Variants in PLCB4 observed in about 807,000 individuals in gnomAD.
PLCB4 encodes the protein 1-phosphatidylinositol 4,5-bisphosphate phosphodiesterase beta-4.
A neutral mutation model predicts 178.8 loss-of-function variants in PLCB4; 77 were observed. The observed-to-expected ratio is 0.43, with a 90% CI of 0.36 to 0.52. The LOEUF (loss-of-function observed/expected upper bound fraction) is 0.52, where lower values mean the gene tolerates loss of function less well. Among genes scored for constraint, PLCB4 ranks in the 20% least tolerant of loss-of-function variants. The pLI, the probability that PLCB4 is intolerant of heterozygous loss-of-function variation, is 0.00. For synonymous variants in PLCB4, 496 were observed against 490.8 expected (o/e 1.01, Z -0.14); for missense variants, 1,024 against 1,453.4 (o/e 0.70, Z 4.80).
intron 2 of PLCB4, among the ~76,000 whole-genome samples, chr20:9,195,125 T>C (rs1334558757): frequency 2.0e-5 from 3 of 152,244 alleles, no homozygotes; most frequent in Non-Finnish European, 4.4e-5. Flanking sequence ...AGAAGTTAAA[T>C]GAAAAACTGC....
chr20:9,159,790 C>G (rs1010505631), intron 2 of PLCB4, among the ~76,000 whole-genome samples: 4 of 152,114 alleles, frequency 2.6e-5, no homozygotes, highest in African/African-American at 9.7e-5. Context: ...TGCTCAGTAT[C>G]TATTTTGAAA....
chr20:9,327,386 G>A (rs2030805522), intron 4 of PLCB4, among the ~76,000 whole-genome samples: 1 of 151,126 alleles, frequency 6.6e-6, no homozygotes, highest in African/African-American at 2.5e-5. Context: ...GTTTGAGGCT[G>A]CGGTGCTATG....
chr20:9,470,765 G>A (rs1000033742), intron 36 of PLCB4, among the ~76,000 whole-genome samples: 3 of 152,184 alleles, frequency 2.0e-5, no homozygotes, highest in African/African-American at 7.2e-5. Flanking sequence ...CAGTGATCAA[G>A]TCAGGGCATT....
At chr20:9,170,168 A>G (rs1248325961) in intron 2 of PLCB4, among the ~76,000 whole-genome samples, 1 of 152,106 alleles carries the variant, frequency 6.6e-6, no homozygotes, top group Non-Finnish European at 1.5e-5. Context: ...CTCTCCAAAG[A>G]AGGATTTACT....
At chr20:9,429,838 C>T (rs904555487) in intron 28 of PLCB4, among the ~76,000 whole-genome samples, 4 of 152,168 alleles carry the variant, frequency 2.6e-5, no homozygotes, top group Non-Finnish European at 2.9e-5. Flanking sequence ...TGCACTTTGG[C>T]AGAGAATTTT....
chr20:9,361,230 C>A (rs992342323), intron 7 of PLCB4, among the ~76,000 whole-genome samples: 1 of 152,132 alleles, frequency 6.6e-6, no homozygotes, highest in African/African-American at 2.4e-5. Context: ...ATATTCATAG[C>A]AGACATGCAA....
chr20:9,108,670 C>A, intron 2 of PLCB4, among the ~76,000 whole-genome samples: 1 of 150,140 alleles, frequency 6.7e-6, no homozygotes. Flanking sequence ...AAATATATTC[C>A]CTACCATTAA....
chr20:9,205,974 G>A (rs1221058039), intron 2 of PLCB4, among the ~76,000 whole-genome samples: 1 of 152,040 alleles, frequency 6.6e-6, no homozygotes, highest in Admixed American at 6.5e-5. Flanking sequence ...GTAGTATTTC[G>A]TGTTTCTTTT....
intron 9 of PLCB4, among the ~76,000 whole-genome samples, chr20:9,366,119 G>T (rs1460730166): frequency 6.6e-6 from 1 of 152,110 alleles, no homozygotes; most frequent in East Asian, 1.9e-4. Flanking sequence ...GCAGGGCATG[G>T]TGGCTCATAC....
chr20:9,323,931 G>C (rs144953758), intron 4 of PLCB4, among the ~76,000 whole-genome samples: 1 of 152,120 alleles, frequency 6.6e-6, no homozygotes, highest in Non-Finnish European at 1.5e-5. Context: ...TCCTCTCTCA[G>C]GTGTTTGTTC....
chr20:9,458,764 G>A (rs927725545), intron 34 of PLCB4, among the ~76,000 whole-genome samples: 2 of 152,180 alleles, frequency 1.3e-5, no homozygotes, highest in South Asian at 4.2e-4. Context: ...CTATCTCATT[G>A]GCTAAAGCAA....
chr20:9,454,743 G>C (rs1479428855), intron 33 of PLCB4, among the ~76,000 whole-genome samples: 4 of 152,176 alleles, frequency 2.6e-5, no homozygotes, highest in Non-Finnish European at 4.4e-5. Context: ...TAATTTGCTT[G>C]AGGAGTAAAT....
intron 2 of PLCB4, among the ~76,000 whole-genome samples, chr20:9,097,647 T>C (rs751659217): frequency 2.0e-5 from 3 of 152,198 alleles, no homozygotes; most frequent in Non-Finnish European, 2.9e-5. Context: ...TTCCTCATTC[T>C]TCTGCAACCT....
chr20:9,255,016 A>G (rs1485057616), intron 3 of PLCB4, among the ~76,000 whole-genome samples: 3 of 152,334 alleles, frequency 2.0e-5, no homozygotes, highest in Middle Eastern at 3.4e-3. Flanking sequence ...TAAAAGAGAT[A>G]AACCAAATAA....
chr20:9,268,806 A>G (rs1250225798), intron 3 of PLCB4, among the ~76,000 whole-genome samples: 1 of 152,134 alleles, frequency 6.6e-6, no homozygotes, highest in Admixed American at 6.6e-5. Context: ...TTTTATTTTT[A>G]TAATGCCCAG....
At chr20:9,392,239 G>T (rs1221187489) in intron 17 of PLCB4, among the ~76,000 whole-genome samples, 1 of 152,192 alleles carries the variant, frequency 6.6e-6, no homozygotes, top group Non-Finnish European at 1.5e-5. Flanking sequence ...AGCAAGGGAA[G>T]AATGAAGCAA....
chr20:9,123,001 CTT>C (rs1348979034), intron 2 of PLCB4, among the ~76,000 whole-genome samples: 2 of 152,032 alleles, frequency 1.3e-5, no homozygotes, highest in Admixed American at 1.3e-4. Flanking sequence ...AAAATGTACT[CTT>C]GAGCATATAG....
chr20:9,315,367 G>T (rs1389339780), intron 4 of PLCB4, among the ~76,000 whole-genome samples: 1 of 152,204 alleles, frequency 6.6e-6, no homozygotes, highest in African/African-American at 2.4e-5. Context: ...TGCTCTAGAA[G>T]GCTGAGATAA....
At chr20:9,404,013 T>G (rs1470736127) in intron 20 of PLCB4, among the ~76,000 whole-genome samples, 2 of 152,130 alleles carry the variant, frequency 1.3e-5, no homozygotes, top group African/African-American at 4.8e-5. Context: ...TTGAGAAGTT[T>G]TGATGTGAAG....
Sources: gnomAD v4.1 joint callset for allele counts (sites outside exome capture counted in the v4.1 genomes callset) on GRCh38, gnomAD v4.1.1 for gene constraint, MANE v1.5 for transcripts, NCBI Gene and HGNC (gene_info 2026-07-23, HGNC 2026-07-21) for gene names.